GSE1: variants seen among roughly 807,000 people sequenced by gnomAD.
GSE1 encodes genetic suppressor element 1.
A neutral mutation model predicts 112.6 loss-of-function variants in GSE1; 32 were observed. The observed-to-expected ratio is 0.28, with a 90% CI of 0.21 to 0.38. GSE1 has a LOEUF of 0.38. GSE1 is among the 10% of genes least tolerant of loss of function. The pLI is 1.00. For synonymous variants in GSE1, 1,115 were observed against 735.6 expected (o/e 1.52, Z -8.35); for missense variants, 2,348 against 1,699.2 (o/e 1.38, Z -6.71).
At chr16:85,417,093 C>T (rs958255178) in intron 2 of GSE1, among the ~76,000 whole-genome samples, 6 of 152,154 alleles carry the variant, frequency 3.9e-5, no homozygotes, top group Admixed American at 2.6e-4. Context: ...TGGGCTCAAT[C>T]GGTCCCCCGG....
At chr16:85,474,958 C>T (rs767971004) in intron 2 of GSE1, among the ~76,000 whole-genome samples, 7 of 152,282 alleles carry the variant, frequency 4.6e-5, no homozygotes, top group African/African-American at 1.7e-4. Flanking sequence ...TCACTGTAAT[C>T]TGCCCCTCCA....
At chr16:85,360,846 C>T (rs887091961) in intron 2 of GSE1, among the ~76,000 whole-genome samples, 2 of 151,832 alleles carry the variant, frequency 1.3e-5, no homozygotes, top group African/African-American at 4.8e-5. Flanking sequence ...ACACAGAAAC[C>T]CGTGACACAC....
chr16:85,557,125 G>C (rs576538053), intron 1 of GSE1, among the ~76,000 whole-genome samples: 4 of 152,214 alleles, frequency 2.6e-5, no homozygotes, highest in Non-Finnish European at 4.4e-5. Context: ...TTAAGTGTAG[G>C]CTACATGGAA....
chr16:85,321,568 T>G (rs996105539), intron 1 of GSE1, among the ~76,000 whole-genome samples: 2 of 151,996 alleles, frequency 1.3e-5, no homozygotes, highest in African/African-American at 2.4e-5. Context: ...CGGGGGAGTT[T>G]GAAGTGGCAG....
At chr16:85,519,685 A>G (rs1341411860) in intron 2 of GSE1, among the ~76,000 whole-genome samples, 1 of 109,612 alleles carries the variant, frequency 9.1e-6, no homozygotes, top group African/African-American at 3.7e-5. Context: ...CATCACCTTC[A>G]CCACCATCAC....
rs1037627093 is a variant in GSE1 at position 85,419,952 on chromosome 16, G to A, written c.2464+62309G>A. Among the ~76,000 whole-genome samples the A allele has an allele frequency of 6.6e-5, 10 of 152,224 alleles. No individual in the cohort carries two copies. Among genetic ancestry groups the A allele is most frequent in the African/African-American group, 2.4e-4 (10 of 41,458 alleles). On this transcript the variant is annotated intron_variant, in intron 2 of 2. Transcript: ENST00000637419. The surrounding 1 kb of genome is among the most constrained non-coding windows in gnomAD (Gnocchi z 6.5). Reference sequence around the variant, plus strand: ...GCAGGGGCAAAGTCTGAGCTAGGAAGGCCCCTCTGAGGCCCAGCTGGCAGT... The same window carrying A: ...GCAGGGGCAAAGTCTGAGCTAGGAAAGCCCCTCTGAGGCCCAGCTGGCAGT...
At chr16:85,540,564 A>T (rs2044483882) in intron 2 of GSE1, among the ~76,000 whole-genome samples, 1 of 152,214 alleles carries the variant, frequency 6.6e-6, no homozygotes, top group Non-Finnish European at 1.5e-5. Context: ...GGTCAGCTTG[A>T]GGATTTCCTA....
At chr16:85,365,352 C>T (rs1166900261) in intron 2 of GSE1, among the ~76,000 whole-genome samples, 4 of 152,220 alleles carry the variant, frequency 2.6e-5, no homozygotes, top group Non-Finnish European at 5.9e-5. Flanking sequence ...TTCAGACGCA[C>T]CACTCCTTCA....
chr16:85,243,504 C>T (rs560416303), intron 1 of GSE1, among the ~76,000 whole-genome samples: 3 of 152,326 alleles, frequency 2.0e-5, no homozygotes, highest in South Asian at 2.1e-4. Context: ...GCCGGGTGCA[C>T]GCAGCGATCC....
chr16:85,210,809 G>A (rs2075212007), intron 1 of GSE1, among the ~76,000 whole-genome samples: 1 of 152,184 alleles, frequency 6.6e-6, no homozygotes, highest in Non-Finnish European at 1.5e-5. Flanking sequence ...GCACTAAATG[G>A]GAGGGAGGCA....
rs757616693 is a variant in GSE1 at position 85,634,099 on chromosome 16, C to T, written c.193C>T (p.Arg65Cys). ...APSSSFAAALRKLAKQAEEPR... is the reference protein window; with the variant it reads ...APSSSFAAALCKLAKQAEEPR... Reference sequence around the variant, plus strand: ...ATCCTCCAGCTTTGCCGCCGCGCTGCGCAAGCTCGCCAAACAGGCGGAGGA... The same window carrying T: ...ATCCTCCAGCTTTGCCGCCGCGCTGTGCAAGCTCGCCAAACAGGCGGAGGA... The change falls in exon 2 of 16, where the codon CGC (arginine) becomes TGC (cysteine). Residue 65 changes from arginine (R) to cysteine (C), a missense_variant. Arg to Cys is a radical substitution (Grantham distance 180). Coordinates refer to ENST00000253458, the MANE Select transcript of GSE1 (RefSeq NM_014615.5). 7.0e-6 allele frequency: 11 copies of T among 1,576,148 alleles called. No homozygotes were observed. The highest frequency in any genetic ancestry group is 1.4e-5 in the African/African-American group (1 of 73,364).
intron 2 of GSE1, among the ~76,000 whole-genome samples, chr16:85,509,692 G>A (rs1333089212): frequency 3.3e-5 from 5 of 152,240 alleles, no homozygotes; most frequent in African/African-American, 7.2e-5. Flanking sequence ...TGGCCATGCC[G>A]GGTGGGAGAC....
chr16:85,215,974 G>T (rs1210009001), intron 1 of GSE1, among the ~76,000 whole-genome samples: 3 of 152,196 alleles, frequency 2.0e-5, no homozygotes, highest in Non-Finnish European at 4.4e-5. Context: ...CCCTTGGAGG[G>T]GTGGGCCAGA....
rs866523533 is a variant in GSE1 at position 85,331,507 on chromosome 16, A to G, written c.2284-25956A>G. On this transcript the variant is annotated intron_variant, in intron 1 of 2. Coordinates refer to the GSE1 transcript ENST00000637419. ...TGTATATATGTGTATATGTGTATAT[A>G]TGTATATATGTGTATATATGTGTAT... Among the ~76,000 whole-genome samples, 852 of 119,570 alleles carry G rather than the reference A, an allele frequency of 7.1e-3. 10 individuals are homozygous for G. The highest frequency in any genetic ancestry group is 0.012 in the Middle Eastern group (3 of 244). 78.4% of individuals were successfully genotyped at this position (119,570 alleles called of 152,430 possible).
chr16:85,553,672 A>C (rs535411547), upstream of GSE1, among the ~76,000 whole-genome samples: 3 of 151,916 alleles, frequency 2.0e-5, no homozygotes, highest in African/African-American at 7.2e-5. Context: ...GAAGAGCGCC[A>C]CCCCTCCCTT....
At chr16:85,661,890 C>T (rs1465391952) in intron 9 of GSE1, 125 bp downstream of exon 9, 3 of 970,058 alleles carry the variant, frequency 3.1e-6, no homozygotes, top group Non-Finnish European at 4.4e-6. Context: ...GTCCCAGGCC[C>T]CAGGTGGCAA....
intron 1 of GSE1, among the ~76,000 whole-genome samples, chr16:85,237,161 T>A (rs971946287): frequency 2.0e-5 from 3 of 151,924 alleles, no homozygotes; most frequent in Admixed American, 2.0e-4. Context: ...CCGCCTCTAC[T>A]AAAAATAGAA....
intron 1 of GSE1, among the ~76,000 whole-genome samples, chr16:85,317,767 C>G (rs73259603): frequency 0.03 from 4,561 of 152,236 alleles, 220 homozygotes; most frequent in African/African-American, 0.1. Flanking sequence ...CGCTGCCCAC[C>G]AGTGTATCCA....
intron 1 of GSE1, among the ~76,000 whole-genome samples, chr16:85,288,189 G>A (rs2045098293): frequency 6.6e-6 from 1 of 152,160 alleles, no homozygotes; most frequent in African/African-American, 2.4e-5. Flanking sequence ...GCAGTGAGCT[G>A]AGATCACGCC....
Sources: allele counts gnomAD v4.1 joint callset (sites outside exome capture counted in the v4.1 genomes callset), GRCh38; gene constraint gnomAD v4.1.1; non-coding constraint Gnocchi (gnomAD v3.1); transcripts MANE v1.5; gene names NCBI Gene and HGNC (gene_info 2026-07-23, HGNC 2026-07-21).